The following HIVEP2 variants were observed in gnomAD, a reference collection of about 807,000 sequenced individuals.
HIVEP2 encodes the protein HIVEP zinc finger 2.
In HIVEP2, 14 loss-of-function variants were observed where a neutral mutation model predicts 180.7. That is an observed-to-expected ratio of 0.08 (90% CI 0.05 to 0.12). The LOEUF is 0.12. HIVEP2 is among the 10% of genes least tolerant of loss of function. The pLI, the probability that HIVEP2 is intolerant of heterozygous loss-of-function variation, is 1.00. For missense variants in HIVEP2, 2,579 were observed against 3,008.5 expected (o/e 0.86, Z 3.34); for synonymous variants, 1,184 against 1,136.4 (o/e 1.04, Z -0.84).
chr6:142,910,918 C>T (rs538841526), intron 1 of HIVEP2, among the ~76,000 whole-genome samples: 1 of 152,156 alleles, frequency 6.6e-6, no homozygotes, highest in Non-Finnish European at 1.5e-5. Context: ...AGCTTGAATC[C>T]ACTGATCTAA....
At chr6:142,789,188 T>C (rs963035596) in intron 2 of HIVEP2, among the ~76,000 whole-genome samples, 14 of 145,352 alleles carry the variant, frequency 9.6e-5, no homozygotes, top group Non-Finnish European at 9.2e-5. Flanking sequence ...TTTTCAAAAG[T>C]ACACTAGCTT....
chr6:142,837,230 T>C (rs1775247986), intron 1 of HIVEP2, among the ~76,000 whole-genome samples, 183 bp from the exon 2 acceptor site: 1 of 152,082 alleles, frequency 6.6e-6, no homozygotes, highest in Non-Finnish European at 1.5e-5. Flanking sequence ...TTTTCCAGTT[T>C]GGGGTAAAAT....
rs772803795 is a variant in HIVEP2 at position 142,760,422 on chromosome 6, C to G, written c.5866G>C (p.Gly1956Arg). ...LPVNVGAVPH[G>R]VPSDSSLGHS... Reference sequence around the variant, plus strand: ...CCCAGGGAACTATCTGAAGGAACCCCGTGGGGTACGGCGCCAACATTCACA... The same window carrying G: ...CCCAGGGAACTATCTGAAGGAACCCGGTGGGGTACGGCGCCAACATTCACA... Residue 1956 changes from glycine (G) to arginine (R), a missense_variant, in exon 9 of 10, where the codon GGG becomes CGG. Gly to Arg is a moderately radical substitution (Grantham distance 125). This residue lies in a region of HIVEP2 where 660 missense variants were observed against 731.7 expected (regional missense o/e 0.90). Transcript: ENST00000367603. 2.2e-5 allele frequency: 35 copies of G among 1,613,996 alleles called. No homozygotes were observed. Among genetic ancestry groups the G allele is most frequent in the Non-Finnish European group, 2.8e-5 (33 of 1,180,020 alleles).
intron 1 of HIVEP2, among the ~76,000 whole-genome samples, chr6:142,839,396 G>T (rs1232069003): frequency 6.6e-6 from 1 of 151,996 alleles, no homozygotes; most frequent in Admixed American, 6.6e-5. Flanking sequence ...TTGGGGGTTG[G>T]GGGAGGGACT....
At chr6:142,823,789 G>A (rs1341751542) in intron 2 of HIVEP2, among the ~76,000 whole-genome samples, 2 of 152,104 alleles carry the variant, frequency 1.3e-5, no homozygotes, top group Admixed American at 1.3e-4. Flanking sequence ...CAACTAAAAT[G>A]GACACTAAAA....
At chr6:142,869,457 T>C (rs1471626887) in intron 1 of HIVEP2, among the ~76,000 whole-genome samples, 1 of 152,220 alleles carries the variant, frequency 6.6e-6, no homozygotes, top group Non-Finnish European at 1.5e-5. Context: ...TGTGTTCAAA[T>C]GTAATACCCA....
intron 1 of HIVEP2, among the ~76,000 whole-genome samples, chr6:142,942,584 T>C (rs1418615553): frequency 1.3e-5 from 2 of 152,232 alleles, no homozygotes; most frequent in Non-Finnish European, 2.9e-5. Flanking sequence ...TATGTGATAA[T>C]ATACACATAG....
intron 1 of HIVEP2, among the ~76,000 whole-genome samples, chr6:142,922,645 C>G (rs1402697911): frequency 6.6e-6 from 1 of 152,138 alleles, no homozygotes; most frequent in Non-Finnish European, 1.5e-5. Flanking sequence ...AAAAGTCATA[C>G]AACTAGAAAG....
At chr6:142,844,165 GT>G (rs925044395) in intron 1 of HIVEP2, among the ~76,000 whole-genome samples, 4 of 151,610 alleles carry the variant, frequency 2.6e-5, no homozygotes, top group East Asian at 1.9e-4. Context: ...TACCTTATGT[GT>G]TTTTTTTAAT....
chr6:142,777,598 A>C (rs1027668408), intron 3 of HIVEP2, among the ~76,000 whole-genome samples: 2 of 137,596 alleles, frequency 1.5e-5, no homozygotes, highest in Non-Finnish European at 1.5e-5. Flanking sequence ...CAGTGAGCCA[A>C]GATCGAGCCA....
intron 1 of HIVEP2, among the ~76,000 whole-genome samples, chr6:142,909,288 T>G (rs879666777): frequency 6.6e-6 from 1 of 152,192 alleles, no homozygotes; most frequent in Non-Finnish European, 1.5e-5. Flanking sequence ...CTACTATCTA[T>G]AGACAAAAAT....
chr6:142,895,667 T>C (rs1776968291), intron 1 of HIVEP2, among the ~76,000 whole-genome samples: 1 of 152,242 alleles, frequency 6.6e-6, no homozygotes, highest in African/African-American at 2.4e-5. Context: ...AGACTTCAGC[T>C]GAGAGTGTCA....
intron 1 of HIVEP2, among the ~76,000 whole-genome samples, chr6:142,848,769 T>C (rs1482743038): frequency 6.6e-6 from 1 of 151,908 alleles, no homozygotes; most frequent in East Asian, 1.9e-4. Context: ...GCTCTGTCCA[T>C]TCTGATGCTT....
At chr6:142,941,413 C>T (rs2128441637) in intron 1 of HIVEP2, among the ~76,000 whole-genome samples, 1 of 152,320 alleles carries the variant, frequency 6.6e-6, no homozygotes, top group South Asian at 2.1e-4. Context: ...GAAAGCAATG[C>T]TTTTGATTGT....
intron 3 of HIVEP2, among the ~76,000 whole-genome samples, chr6:142,782,148 T>C (rs1467129061): frequency 6.6e-6 from 1 of 152,212 alleles, no homozygotes; most frequent in Non-Finnish European, 1.5e-5. Context: ...CTTGAGGATT[T>C]GGTGGTATGA....
At chr6:142,769,144 G>A (rs965077651) in intron 5 of HIVEP2, among the ~76,000 whole-genome samples, 2 of 152,106 alleles carry the variant, frequency 1.3e-5, no homozygotes, top group African/African-American at 4.8e-5. Context: ...CTCCTTCTTC[G>A]TCTTTCCTTT....
chr6:142,847,138 T>C (rs1307888932), intron 1 of HIVEP2, among the ~76,000 whole-genome samples: 2 of 152,174 alleles, frequency 1.3e-5, no homozygotes, highest in Admixed American at 6.5e-5. Context: ...CAGCAGTTTG[T>C]CATAGCCCAG....
intron 1 of HIVEP2, among the ~76,000 whole-genome samples, chr6:142,857,156 T>C (rs1246397695): frequency 6.9e-6 from 1 of 145,478 alleles, no homozygotes; most frequent in Non-Finnish European, 1.5e-5. Context: ...ATGCCAAAAA[T>C]AAAAAGGTAG....
intron 1 of HIVEP2, among the ~76,000 whole-genome samples, chr6:142,883,138 A>G (rs932855437): frequency 4.6e-5 from 7 of 152,104 alleles, no homozygotes; most frequent in Admixed American, 3.3e-4. Flanking sequence ...AGCATTCGAT[A>G]TCACACCTTT....
Sources: gnomAD v4.1 joint callset for allele counts (sites outside exome capture counted in the v4.1 genomes callset) on GRCh38, gnomAD v4.1.1 for gene constraint, gnomAD v4.1.1 regional missense constraint, MANE v1.5 for transcripts, NCBI Gene and HGNC (gene_info 2026-07-23, HGNC 2026-07-21) for gene names.